Variants in BACH2 observed in about 807,000 individuals in gnomAD.
BACH2 encodes transcription regulator protein BACH2.
A neutral mutation model predicts 61.8 loss-of-function variants in BACH2; 5 were observed. That is an observed-to-expected ratio of 0.08 (90% CI 0.04 to 0.17). The LOEUF (loss-of-function observed/expected upper bound fraction) is 0.17, where lower values mean the gene tolerates loss of function less well. BACH2 is among the 10% of genes least tolerant of loss of function. BACH2 has a pLI of 1.00. For synonymous variants in BACH2, 446 were observed against 440.1 expected (o/e 1.01, Z -0.17); for missense variants, 824 against 1,091.1 (o/e 0.76, Z 3.45).
intron 4 of BACH2, among the ~76,000 whole-genome samples, chr6:90,180,718 A>G (rs1768128189): frequency 6.6e-6 from 1 of 152,082 alleles, no homozygotes; most frequent in Admixed American, 6.6e-5. Flanking sequence ...ATTCTTTTTC[A>G]TGGCTGAGTA....
intron 3 of BACH2, among the ~76,000 whole-genome samples, chr6:90,207,959 T>C (rs1769207705): frequency 6.6e-6 from 1 of 152,222 alleles, no homozygotes; most frequent in Non-Finnish European, 1.5e-5. Flanking sequence ...TCTATGAACA[T>C]AATATTACTA....
At chr6:90,154,308 AAAGGGTAAAAAAGTCTC>A (rs1784920044) in intron 4 of BACH2, among the ~76,000 whole-genome samples, 1 of 152,214 alleles carries the variant, frequency 6.6e-6, no homozygotes, top group Admixed American at 6.5e-5. Flanking sequence ...AGATCAGGAC[AAAGGGTAAAAAAGTCTC>A]AAGAGCCCAA....
chr6:90,008,527 T>A lies in BACH2; in HGVS notation c.243+75A>T. On this transcript the variant is annotated intron_variant, in intron 6 of 8. Coordinates refer to ENST00000257749, the MANE Select transcript of BACH2 (RefSeq NM_021813.4). The surrounding 1 kb of genome is among the most constrained non-coding windows in gnomAD (Gnocchi z 4.1). ...TGGGGACATGGCACCTAGTACATCT[T>A]CTAGCTCCTAGTCAGCCAGTTTTCT... 6.3e-7 allele frequency: 1 copy of A among 1,579,798 alleles called. No individual in the cohort carries two copies. The highest frequency in any genetic ancestry group is 8.6e-7 in the Non-Finnish European group (1 of 1,160,670).
At chr6:90,166,191 A>T (rs1009303093) in intron 4 of BACH2, among the ~76,000 whole-genome samples, 4 of 152,194 alleles carry the variant, frequency 2.6e-5, no homozygotes, top group African/African-American at 7.2e-5. Flanking sequence ...GAATCTACAA[A>T]GAACTCCAAA....
chr6:90,187,975 C>G (rs1210005793), intron 4 of BACH2, among the ~76,000 whole-genome samples: 1 of 152,176 alleles, frequency 6.6e-6, no homozygotes, highest in Admixed American at 6.5e-5. Context: ...ACGGGTCTCA[C>G]TATGCGGAAA....
intron 6 of BACH2, among the ~76,000 whole-genome samples, chr6:89,987,965 G>A (rs1472093916): frequency 6.6e-6 from 1 of 152,146 alleles, no homozygotes; most frequent in African/African-American, 2.4e-5. Context: ...AACAAAGAGA[G>A]CTCTCTTGAA....
intron 5 of BACH2, among the ~76,000 whole-genome samples, chr6:90,085,115 T>A (rs1477519817): frequency 6.6e-6 from 1 of 152,128 alleles, no homozygotes; most frequent in Non-Finnish European, 1.5e-5. Context: ...TACCGGCCAC[T>A]CACTAACCTG....
At chr6:90,070,348 C>T (rs1035090887) in intron 5 of BACH2, among the ~76,000 whole-genome samples, 2 of 152,200 alleles carry the variant, frequency 1.3e-5, no homozygotes, top group Non-Finnish European at 2.9e-5. Context: ...AGCACATGGA[C>T]TGGGACTTGA....
intron 6 of BACH2, among the ~76,000 whole-genome samples, chr6:90,002,291 CCTTT>C (rs1285864191): frequency 1.3e-5 from 2 of 152,172 alleles, no homozygotes; most frequent in African/African-American, 2.4e-5. Flanking sequence ...GACTTCTTTT[CCTTT>C]CTATCTCCAC....
chr6:90,227,020 G>A (rs1481895233), intron 3 of BACH2, among the ~76,000 whole-genome samples: 2 of 152,188 alleles, frequency 1.3e-5, no homozygotes, highest in African/African-American at 2.4e-5. Context: ...AGGAATGTGC[G>A]TGAACTGCAA....
At chr6:90,171,040 A>G (rs74446902) in intron 4 of BACH2, among the ~76,000 whole-genome samples, 2 of 152,116 alleles carry the variant, frequency 1.3e-5, no homozygotes, top group Non-Finnish European at 2.9e-5. Context: ...AAAAAAAAAA[A>G]AATCTTCCCA....
chr6:90,263,630 G>A (rs544812866), intron 2 of BACH2, among the ~76,000 whole-genome samples: 26 of 152,110 alleles, frequency 1.7e-4, no homozygotes, highest in Admixed American at 1.2e-3. Flanking sequence ...TTTTTCTTGC[G>A]CTGACTCCTG....
At chr6:89,957,585 C>A (rs1414284865) in intron 6 of BACH2, among the ~76,000 whole-genome samples, 1 of 152,168 alleles carries the variant, frequency 6.6e-6, no homozygotes, top group African/African-American at 2.4e-5. Context: ...GTTGTCCAGG[C>A]TGGAGTGCAG....
intron 4 of BACH2, among the ~76,000 whole-genome samples, chr6:90,155,467 C>A (rs1784965766): frequency 6.6e-6 from 1 of 152,222 alleles, no homozygotes; most frequent in Admixed American, 6.5e-5. Flanking sequence ...GAGCAACTTC[C>A]CATCCTTTTG....
intron 4 of BACH2, among the ~76,000 whole-genome samples, chr6:90,151,477 C>T (rs1784809756): frequency 1.3e-5 from 2 of 152,060 alleles, no homozygotes; most frequent in South Asian, 4.1e-4. Flanking sequence ...TTTTTGTAGA[C>T]ACAGGGTCTC....
chr6:90,253,134 C>T (rs960467932), intron 2 of BACH2, among the ~76,000 whole-genome samples: 1 of 152,114 alleles, frequency 6.6e-6, no homozygotes, highest in Non-Finnish European at 1.5e-5. Context: ...GACCCAGCTA[C>T]TTGGGAGGCT....
intron 4 of BACH2, among the ~76,000 whole-genome samples, chr6:90,112,115 C>A (rs1783198459): frequency 6.6e-6 from 1 of 152,210 alleles, no homozygotes; most frequent in African/African-American, 2.4e-5. Context: ...TTCTGCAGAT[C>A]AAACAAGATA....
chr6:90,095,366 G>C (rs962400677), intron 4 of BACH2, among the ~76,000 whole-genome samples: 2 of 152,080 alleles, frequency 1.3e-5, no homozygotes, highest in African/African-American at 4.8e-5. Flanking sequence ...AAAGAAAGTG[G>C]GCTTTTTTGC....
intron 5 of BACH2, among the ~76,000 whole-genome samples, chr6:90,080,546 A>T (rs565405888): frequency 1.3e-5 from 2 of 152,186 alleles, no homozygotes; most frequent in African/African-American, 4.8e-5. Context: ...TAGAGATGAG[A>T]GTCTATTTTT....
Sources: gnomAD v4.1 joint callset for allele counts (sites outside exome capture counted in the v4.1 genomes callset) on GRCh38, gnomAD v4.1.1 for gene constraint, Gnocchi (gnomAD v3.1) non-coding constraint, MANE v1.5 for transcripts, NCBI Gene and HGNC (gene_info 2026-07-23, HGNC 2026-07-21) for gene names.